SSH2: variants seen among roughly 807,000 people sequenced by gnomAD.
SSH2 encodes the protein protein phosphatase Slingshot homolog 2.
Under a neutral mutation model 135.2 loss-of-function variants are expected in SSH2, and 37 were observed. The observed-to-expected ratio is 0.27, with a 90% CI of 0.21 to 0.36. The LOEUF is 0.36. SSH2 is among the 10% of genes least tolerant of loss of function. The pLI, the probability that SSH2 is intolerant of heterozygous loss-of-function variation, is 1.00. For missense variants in SSH2, 1,408 were observed against 1,765.3 expected (o/e 0.80, Z 3.63); for synonymous variants, 628 against 646.2 (o/e 0.97, Z 0.43).
chr17:29,784,065 C>CAAAAAA (rs71138857), intron 3 of SSH2, among the ~76,000 whole-genome samples: 298 of 8,226 alleles, frequency 0.036, 42 homozygotes, highest in Middle Eastern at 0.062. Context: ...GACTCCGTCT[C>CAAAAAA]AAAAAAAAAA....
chr17:29,886,176 A>G (rs1043260953), intron 1 of SSH2, among the ~76,000 whole-genome samples: 2 of 152,108 alleles, frequency 1.3e-5, no homozygotes, highest in African/African-American at 4.8e-5. Context: ...AAGATATGGG[A>G]AAGTTTGTAA....
intron 9 of SSH2, among the ~76,000 whole-genome samples, chr17:29,668,817 C>T (rs2037377117): frequency 6.6e-6 from 1 of 152,144 alleles, no homozygotes; most frequent in Admixed American, 6.5e-5. Context: ...CAATTTTCCC[C>T]TCAATCCCTC....
Position 29,821,800 on chromosome 17 carries a change from C to T in SSH2, c.144+27049G>A, listed in dbSNP as rs527570524. ...CTGGGGCTACAGGCACACGCCATCACGCCCAGCTAATCTTTTTGTATTTTT... is the reference window on the plus strand; with the variant it reads ...CTGGGGCTACAGGCACACGCCATCATGCCCAGCTAATCTTTTTGTATTTTT... On this transcript the variant is annotated intron_variant, in intron 2 of 15. Coordinates refer to ENST00000540801, the MANE Select transcript of SSH2 (RefSeq NM_001282129.2). Among the ~76,000 whole-genome samples the T allele has an allele frequency of 1.2e-3, 188 of 152,238 alleles. 2 individuals carry two copies. The highest frequency in any genetic ancestry group is 2.3e-3 in the South Asian group (11 of 4,816).
At chr17:29,825,162 T>C (rs767026090) in intron 2 of SSH2, among the ~76,000 whole-genome samples, 7 of 152,164 alleles carry the variant, frequency 4.6e-5, no homozygotes, top group Non-Finnish European at 8.8e-5. Flanking sequence ...TCTCAATCAA[T>C]AGTCCTGACA....
chr17:29,913,347 A>ATTATATAT (rs1429739888), intron 1 of SSH2, among the ~76,000 whole-genome samples: 4 of 28,776 alleles, frequency 1.4e-4, no homozygotes, highest in Non-Finnish European at 2.4e-4. Flanking sequence ...AAAAAAAAAA[A>ATTATATAT]ATATATATAT....
At chr17:29,768,675 T>TA (rs1476629905) in intron 3 of SSH2, among the ~76,000 whole-genome samples, 1 of 152,220 alleles carries the variant, frequency 6.6e-6, no homozygotes, top group Non-Finnish European at 1.5e-5. Flanking sequence ...AGCTTTTCTA[T>TA]AAATTCAGAA....
chr17:29,723,578 A>G (rs1425926202), intron 3 of SSH2, among the ~76,000 whole-genome samples: 1 of 152,254 alleles, frequency 6.6e-6, no homozygotes, highest in East Asian at 1.9e-4. Flanking sequence ...AAGAACGGGA[A>G]GGTAACATGG....
intron 8 of SSH2, 110 bp from the exon 9 acceptor site, chr17:29,672,239 T>A: frequency 1.1e-5 from 8 of 745,082 alleles, no homozygotes; most frequent in South Asian, 2.3e-5. Flanking sequence ...ATTTGTCCTC[T>A]GGACAATCTA....
intron 1 of SSH2, among the ~76,000 whole-genome samples, chr17:29,893,411 T>C (rs1279834771): frequency 6.6e-6 from 1 of 152,068 alleles, no homozygotes; most frequent in East Asian, 1.9e-4. Context: ...AAGTAAGTCA[T>C]GAGGATAGAG....
rs138683454 is a variant in SSH2 at position 29,720,154 on chromosome 17, A to T, written c.189-17092T>A. 2.0e-5 allele frequency among the ~76,000 whole-genome samples: 3 copies of T among 152,320 alleles called. No homozygotes were observed. In the East Asian group the frequency reaches 5.8e-4, roughly 29 times the overall value. On this transcript the variant is annotated intron_variant, in intron 3 of 15. Transcript: ENST00000540801. ...TCTTTGCCTGTTCTGTACAACAAGG[A>T]CACCACAGTCCCATTGTAGTGTTAT...
At chr17:29,660,956 G>A (rs1009557484) in intron 11 of SSH2, among the ~76,000 whole-genome samples, 2 of 151,218 alleles carry the variant, frequency 1.3e-5, no homozygotes, top group Non-Finnish European at 2.9e-5. Context: ...AGCTACTTGG[G>A]CGGCTGAGGT....
At chr17:29,916,473 T>C (rs1053609765) in intron 1 of SSH2, among the ~76,000 whole-genome samples, 9 of 150,770 alleles carry the variant, frequency 6.0e-5, no homozygotes, top group East Asian at 1.9e-4. Context: ...TTCTTTCTTT[T>C]TTTTTTTTTT....
At chr17:29,815,685 G>A (rs1345388056) in intron 2 of SSH2, among the ~76,000 whole-genome samples, 1 of 152,150 alleles carries the variant, frequency 6.6e-6, no homozygotes, top group Non-Finnish European at 1.5e-5. Flanking sequence ...GCCTCTGCTG[G>A]CAGGTGGCTG....
intron 1 of SSH2, among the ~76,000 whole-genome samples, chr17:29,883,874 A>C (rs2066184167): frequency 6.6e-6 from 1 of 152,182 alleles, no homozygotes; most frequent in African/African-American, 2.4e-5. Context: ...TAAAAACAAG[A>C]AAAATATTTG....
intron 3 of SSH2, among the ~76,000 whole-genome samples, chr17:29,765,111 G>A (rs1287325666): frequency 1.3e-5 from 2 of 152,118 alleles, no homozygotes; most frequent in East Asian, 3.8e-4. Context: ...TATAAAATGG[G>A]GTAGCAAAAC....
At chr17:29,759,365 G>A (rs1433085418) in intron 3 of SSH2, among the ~76,000 whole-genome samples, 1 of 152,148 alleles carries the variant, frequency 6.6e-6, no homozygotes, top group African/African-American at 2.4e-5. Flanking sequence ...GTGCTTATTA[G>A]GTTGGTGTAA....
intron 2 of SSH2, among the ~76,000 whole-genome samples, chr17:29,796,199 CCT>C (rs2042152865): frequency 6.6e-6 from 1 of 152,188 alleles, no homozygotes; most frequent in Non-Finnish European, 1.5e-5. Flanking sequence ...ATTTCCCATT[CCT>C]CTTTCTATTA....
At chr17:29,823,607 C>T (rs557547572) in intron 2 of SSH2, among the ~76,000 whole-genome samples, 1 of 151,954 alleles carries the variant, frequency 6.6e-6, no homozygotes, top group Non-Finnish European at 1.5e-5. Flanking sequence ...GGGTCGGGTG[C>T]GGTCTCATGC....
intron 3 of SSH2, among the ~76,000 whole-genome samples, chr17:29,733,396 T>G (rs1171811048): frequency 3.9e-5 from 6 of 152,228 alleles, no homozygotes; most frequent in African/African-American, 1.4e-4. Flanking sequence ...GTAAACATAC[T>G]TCTGAAACAT....
Sources: allele counts gnomAD v4.1 joint callset (sites outside exome capture counted in the v4.1 genomes callset), GRCh38; gene constraint gnomAD v4.1.1; transcripts MANE v1.5; gene names NCBI Gene and HGNC (gene_info 2026-07-23, HGNC 2026-07-21).